AGAP1: variants seen among roughly 807,000 people sequenced by gnomAD.
AGAP1 encodes the protein ArfGAP with GTPase domain, ankyrin repeat and PH domain 1, also known as arf-GAP with GTPase, ANK repeat and PH domain-containing protein 1.
Under a neutral mutation model 105.3 loss-of-function variants are expected in AGAP1, and 29 were observed. The ratio of observed to expected loss-of-function variants is 0.28; its 90% CI spans 0.21 to 0.38. The LOEUF is 0.38. AGAP1 is among the 10% of genes least tolerant of loss of function. The pLI is 1.00. For missense variants in AGAP1, 998 were observed against 1,165.1 expected, an observed-to-expected ratio of 0.86 and a Z score of 2.09; for synonymous variants, 509 against 485.9, an observed-to-expected ratio of 1.05 and a Z score of -0.63.
rs1015556909 is a variant in AGAP1 at position 235,633,075 on chromosome 2, G to A, written c.164-76104G>A. Among the ~76,000 whole-genome samples the A allele has an allele frequency of 1.3e-5, 2 of 152,162 alleles. No homozygotes were observed. The highest frequency in any genetic ancestry group is 4.2e-4 in the South Asian group (2 of 4,814). The stretch of plus-strand genomic sequence containing the variant: ...TTCTGCTTTTGCTTGAACTTCTAGC[G>A]GCAGAAAGGGGGTGATCCCTTTCTT... On this transcript the variant is annotated intron_variant, in intron 1 of 17. Coordinates refer to ENST00000304032, the MANE Select transcript of AGAP1 (RefSeq NM_001037131.3). This position sits in a 1 kb window ranked among gnomAD's most constrained non-coding sequence, Gnocchi z 4.8.
At chr2:235,524,741 A>G (rs769768087) in intron 1 of AGAP1, among the ~76,000 whole-genome samples, 27 of 152,154 alleles carry the variant, frequency 1.8e-4, no homozygotes, top group Admixed American at 3.3e-4. Context: ...TCTTTTAGGG[A>G]CCTCGTCCCT....
rs1952081685 is a variant in AGAP1 at position 235,733,735 on chromosome 2, G to A, written c.311-7228G>A. Among the ~76,000 whole-genome samples the A allele has an allele frequency of 6.6e-6, 1 of 152,216 alleles. No individual in the cohort carries two copies. Among genetic ancestry groups the A allele is most frequent in the East Asian group, 1.9e-4 (1 of 5,166 alleles). On this transcript the variant is annotated intron_variant, in intron 3 of 17. Transcript: ENST00000304032. The surrounding 1 kb of genome is among the most constrained non-coding windows in gnomAD (Gnocchi z 5.0). Reference sequence around the variant, plus strand: ...TCACTTCACTGCGGGTCAGAACCCCGGAGTGTTTCACCCATGGAAATAGTC... The same window carrying A: ...TCACTTCACTGCGGGTCAGAACCCCAGAGTGTTTCACCCATGGAAATAGTC...
At chr2:235,764,352 G>C in intron 6 of AGAP1, among the ~76,000 whole-genome samples, 1 of 152,124 alleles carries the variant, frequency 6.6e-6, no homozygotes, top group East Asian at 1.9e-4. Context: ...CACCACGGTC[G>C]CTTCAGCCCC....
At chr2:235,512,045 A>G (rs1200817816) in intron 1 of AGAP1, among the ~76,000 whole-genome samples, 1 of 141,606 alleles carries the variant, frequency 7.1e-6, no homozygotes, top group African/African-American at 2.7e-5. Flanking sequence ...GTGTGAATGG[A>G]TGTGTGTGTG....
At chr2:235,899,757 G>T (rs77967174) in intron 10 of AGAP1, among the ~76,000 whole-genome samples, 1,813 of 152,224 alleles carry the variant, frequency 0.012, 30 homozygotes, top group Non-Finnish European at 0.016. Context: ...GAGGCCTACA[G>T]TGACTGTGTA....
At position 235,664,626 on chromosome 2, in the gene AGAP1, ACTTGCTGGCTTGTTTTAAAACCAAG is replaced by A. The variant is rs769347598; in HGVS notation, c.164-44546_164-44522del. On this transcript the variant is annotated intron_variant, in intron 1 of 17. Coordinates refer to ENST00000304032, the MANE Select transcript of AGAP1 (RefSeq NM_001037131.3). The surrounding 1 kb of genome is among the most constrained non-coding windows in gnomAD (Gnocchi z 5.7). The stretch of plus-strand genomic sequence containing the variant: ...GAATAAGAATCTACTCACAATGGAC[ACTTGCTGGCTTGTTTTAAAACCAAG>A]CTTGCTTCTCACTGGCCTGTTTAAG... Among the ~76,000 whole-genome samples, 221 of 152,304 alleles carry A rather than the reference ACTTGCTGGCTTGTTTTAAAACCAAG, an allele frequency of 1.5e-3. No homozygotes were observed. Among genetic ancestry groups the A allele is most frequent in the Non-Finnish European group, 2.3e-3 (157 of 68,024 alleles).
rs906575024 is a variant in AGAP1, at chr2:236,027,478, T to C, written c.1646-9083T>C. Among the ~76,000 whole-genome samples, 1 of 152,126 alleles carries C rather than the reference T, an allele frequency of 6.6e-6. No individual in the cohort carries two copies. Among genetic ancestry groups the C allele is most frequent in the Non-Finnish European group, 1.5e-5 (1 of 68,014 alleles). Reference sequence around the variant, plus strand: ...TAGTCCTCCCGCCGGTGCCCACCTCTGCGCTGAGCATGTAGGGTTCCATCT... The same window carrying C: ...TAGTCCTCCCGCCGGTGCCCACCTCCGCGCTGAGCATGTAGGGTTCCATCT... On this transcript the variant is annotated intron_variant, in intron 13 of 17. Transcript: ENST00000304032. The surrounding 1 kb of genome is among the most constrained non-coding windows in gnomAD (Gnocchi z 4.4).
At chr2:235,605,803 C>T (rs1230644304) in intron 1 of AGAP1, among the ~76,000 whole-genome samples, 1 of 152,186 alleles carries the variant, frequency 6.6e-6, no homozygotes, top group Non-Finnish European at 1.5e-5. Context: ...AGAATTTCAG[C>T]GCAGATCCGA....
rs61257818 is a variant in AGAP1, at chr2:235,867,536, A to AGTGTGTGTGTGTGT, written c.1051-15783_1051-15770dup. Among the ~76,000 whole-genome samples the AGTGTGTGTGTGTGT allele has an allele frequency of 0.018, 2,274 of 123,260 alleles. 31 individuals carry two copies. Among genetic ancestry groups the AGTGTGTGTGTGTGT allele is most frequent in the Non-Finnish European group, 0.022 (1,275 of 57,382 alleles). The allele number at this position is 123,260 out of a possible 152,430, so 80.9% of individuals were successfully genotyped here. A position where few individuals can be genotyped will look rare whatever the true frequency, so the allele number is the denominator to read the frequency against. On this transcript the variant is annotated intron_variant, in intron 9 of 17. Coordinates refer to ENST00000304032, the MANE Select transcript of AGAP1 (RefSeq NM_001037131.3). The surrounding 1 kb of genome is among the most constrained non-coding windows in gnomAD (Gnocchi z 5.4). ...ATCATACACCTTATGCTGGTGCTGC[A>AGTGTGTGTGTGTGT]GTGTGTGTGTGTGTGTGTGTGTGTG...
chr2:236,011,299 A>G (rs1166127765), intron 13 of AGAP1, among the ~76,000 whole-genome samples: 1 of 152,234 alleles, frequency 6.6e-6, no homozygotes, highest in African/African-American at 2.4e-5. Flanking sequence ...ATTAGAGCTC[A>G]GAAAGTTCCA....
In AGAP1 at chr2:235,874,868, G is replaced by GT. The variant is rs2049635413; in HGVS notation, c.1051-8474dup. ...GCTCATGGATCAAGGCAGAGGATGAGTTTAAAAACTGGTACTAAAATACCC... is the reference window on the plus strand; with the variant it reads ...GCTCATGGATCAAGGCAGAGGATGAGTTTTAAAAACTGGTACTAAAATACCC... On this transcript the variant is annotated intron_variant, in intron 9 of 17. Coordinates refer to ENST00000304032, the MANE Select transcript of AGAP1 (RefSeq NM_001037131.3). This position sits in a 1 kb window ranked among gnomAD's most constrained non-coding sequence, Gnocchi z 4.5. 6.6e-6 allele frequency among the ~76,000 whole-genome samples: 1 copy of GT among 152,116 alleles called. No homozygotes were observed. The highest frequency in any genetic ancestry group is 1.5e-5 in the Non-Finnish European group (1 of 67,950).
At chr2:235,697,856 C>T (rs1158201047) in intron 1 of AGAP1, among the ~76,000 whole-genome samples, 2 of 152,288 alleles carry the variant, frequency 1.3e-5, no homozygotes, top group East Asian at 3.9e-4. Flanking sequence ...TATCTTGTCT[C>T]CTGCGTTCTT....
intron 6 of AGAP1, among the ~76,000 whole-genome samples, chr2:235,784,012 A>G (rs1956450625): frequency 6.6e-6 from 1 of 152,218 alleles, no homozygotes; most frequent in Non-Finnish European, 1.5e-5. Flanking sequence ...GTGGATAGAT[A>G]TATAATAAAG....
intron 6 of AGAP1, among the ~76,000 whole-genome samples, chr2:235,762,496 A>G (rs2149789982): frequency 6.6e-6 from 1 of 152,300 alleles, no homozygotes; most frequent in East Asian, 1.9e-4. Flanking sequence ...GAGGAGAGCG[A>G]TGCACTGACG....
At position 236,131,171 on chromosome 2, in the gene AGAP1, C is replaced by G. The variant is rs1258510104; in HGVS notation, c.*7049C>G. ...ACATCTAATTCTCCAGACTGCAGCC[C>G]CTCTCAGCCCCGAGCACCTGAGCGC... is the stretch of plus-strand genomic sequence containing the variant. On this transcript the variant is annotated 3_prime_UTR_variant, in exon 18 of 18. Transcript: ENST00000304032. This position sits in a 1 kb window ranked among gnomAD's most constrained non-coding sequence, Gnocchi z 5.9. The G allele has an allele frequency of 1.3e-5, 2 of 152,220 alleles. No individual in the cohort carries two copies. The highest frequency in any genetic ancestry group is 2.4e-5 in the African/African-American group (1 of 41,456). The allele number at this position is 152,220 out of a possible 1,614,324, so 9.4% of individuals were successfully genotyped here.
Position 236,124,592 on chromosome 2 carries a change from C to T in AGAP1, c.*470C>T, listed in dbSNP as rs577491778. 18 of 201,442 alleles carry T rather than the reference C, an allele frequency of 8.9e-5. No homozygotes were observed. The highest frequency in any genetic ancestry group is 2.0e-3 in the Middle Eastern group (1 of 496). The allele number at this position is 201,442 out of a possible 1,614,324, so 12.5% of individuals were successfully genotyped here. ...GGAGCTCGACGGCATAAATCAGAAG[C>T]AAGCACAGAGTTTGTCAGGTTTGAA... On this transcript the variant is annotated 3_prime_UTR_variant, in exon 18 of 18. Transcript: ENST00000304032. This position sits in a 1 kb window ranked among gnomAD's most constrained non-coding sequence, Gnocchi z 5.1.
Position 235,557,465 on chromosome 2 carries a change from G to A in AGAP1, c.163+62616G>A, listed in dbSNP as rs1944010384. Among the ~76,000 whole-genome samples the A allele has an allele frequency of 6.6e-6, 1 of 152,224 alleles. No homozygotes were observed. Among genetic ancestry groups the A allele is most frequent in the South Asian group, 2.1e-4 (1 of 4,834 alleles). Reference sequence around the variant, plus strand: ...ATTTGGTAAAAGGCATGAAGTCTGAGTTCATTCCGAAGATTCTGGCTTTTG... The same window carrying A: ...ATTTGGTAAAAGGCATGAAGTCTGAATTCATTCCGAAGATTCTGGCTTTTG... On this transcript the variant is annotated intron_variant, in intron 1 of 17. Coordinates refer to ENST00000304032, the MANE Select transcript of AGAP1 (RefSeq NM_001037131.3). The surrounding 1 kb of genome is among the most constrained non-coding windows in gnomAD (Gnocchi z 4.7).
Position 235,973,914 on chromosome 2 carries a change from G to A in AGAP1, c.1645+5291G>A, listed in dbSNP as rs545410467. 3.9e-5 allele frequency among the ~76,000 whole-genome samples: 6 copies of A among 152,178 alleles called. No individual in the cohort carries two copies. Among genetic ancestry groups the A allele is most frequent in the African/African-American group, 1.2e-4 (5 of 41,502 alleles). ...GCCAGGGAAAAGCGCCTGGGCAGTG[G>A]GATTTTGCAGATCTTTAATGGCTTG... On this transcript the variant is annotated intron_variant, in intron 13 of 17. Transcript: ENST00000304032. The surrounding 1 kb of genome is among the most constrained non-coding windows in gnomAD (Gnocchi z 4.7).
intron 6 of AGAP1, among the ~76,000 whole-genome samples, chr2:235,771,278 C>T (rs1337057779): frequency 1.3e-5 from 2 of 152,182 alleles, no homozygotes; most frequent in African/African-American, 4.8e-5. Context: ...AGAGGCAGGC[C>T]GCCTCCAGAG....
Sources: allele counts gnomAD v4.1 joint callset (sites outside exome capture counted in the v4.1 genomes callset), GRCh38; gene constraint gnomAD v4.1.1; non-coding constraint Gnocchi (gnomAD v3.1); transcripts MANE v1.5; gene names NCBI Gene and HGNC (gene_info 2026-07-23, HGNC 2026-07-21).